Variants in DCAF12 observed in about 807,000 individuals in gnomAD.
The protein encoded by DCAF12 is DDB1 and CUL4 associated factor 12.
DCAF12 carries 28 observed loss-of-function variants against 52.8 expected under a neutral mutation model. The observed-to-expected ratio is 0.53, with a 90% CI of 0.39 to 0.73. DCAF12 has a LOEUF of 0.73. DCAF12 is among the 30% of genes least tolerant of loss of function. DCAF12 has a pLI of 0.00. For missense variants in DCAF12, 425 were observed against 552.2 expected, an observed-to-expected ratio of 0.77 and a Z score of 2.31; for synonymous variants, 196 against 215.5, an observed-to-expected ratio of 0.91 and a Z score of 0.79.
At position 34,087,597 on chromosome 9, in the gene DCAF12, G is replaced by A. The variant is rs936289248; in HGVS notation, c.*753C>T. The A allele has an allele frequency of 2.6e-5, 4 of 152,170 alleles. No homozygotes were observed. Among genetic ancestry groups the A allele is most frequent in the Non-Finnish European group, 4.4e-5 (3 of 68,042 alleles). The allele number at this position is 152,170 out of a possible 1,614,324, so 9.4% of individuals were successfully genotyped here. A position where few individuals can be genotyped will look rare whatever the true frequency, so the allele number is the denominator to read the frequency against. ...GGGAAGTGACACCAACTTCCCACAC[G>A]GGGGACACACAGGTGGGAAGACAGG... On this transcript the variant is annotated 3_prime_UTR_variant, in exon 9 of 9. Coordinates refer to ENST00000361264, the MANE Select transcript of DCAF12 (RefSeq NM_015397.4).
intron 2 of DCAF12, among the ~76,000 whole-genome samples, chr9:34,115,158 G>A (rs922970965): frequency 3.3e-5 from 5 of 151,986 alleles, no homozygotes; most frequent in African/African-American, 9.7e-5. Context: ...TGGAGAGGTT[G>A]GGAAAGGAAA....
intron 2 of DCAF12, among the ~76,000 whole-genome samples, chr9:34,124,773 C>G (rs1829221648): frequency 6.6e-6 from 1 of 152,046 alleles, no homozygotes; most frequent in African/African-American, 2.4e-5. Flanking sequence ...AACAAACAAC[C>G]CTCTAGAAGC....
chr9:34,097,641 A>G (rs73491053), intron 5 of DCAF12, among the ~76,000 whole-genome samples: 2,222 of 152,176 alleles, frequency 0.015, 49 homozygotes, highest in African/African-American at 0.05. Context: ...AGTAGGCAGT[A>G]AAGAATACTG....
rs1374076229 is a variant in DCAF12 at position 34,087,358 on chromosome 9, G to A, written c.*992C>T. The A allele has an allele frequency of 2.0e-5, 3 of 152,268 alleles. No individual in the cohort carries two copies. Among genetic ancestry groups the A allele is most frequent in the African/African-American group, 7.2e-5 (3 of 41,464 alleles). 9.4% of individuals were successfully genotyped at this position (152,268 alleles called of 1,614,324 possible). ...AATGGCAGAGAGGATTCTCCTCAAA[G>A]CCATGGGGGCTATGGATGTGAATCT... is the stretch of plus-strand genomic sequence containing the variant. On this transcript the variant is annotated 3_prime_UTR_variant, in exon 9 of 9. Coordinates refer to ENST00000361264, the MANE Select transcript of DCAF12 (RefSeq NM_015397.4).
chr9:34,112,622 G>T (rs1181281265), intron 2 of DCAF12, among the ~76,000 whole-genome samples: 3 of 149,970 alleles, frequency 2.0e-5, no homozygotes, highest in African/African-American at 7.4e-5. Context: ...ATATTGGCTG[G>T]GTGTGGTGGC....
intron 4 of DCAF12, among the ~76,000 whole-genome samples, chr9:34,106,173 G>A (rs1587736294): frequency 6.6e-6 from 1 of 152,080 alleles, no homozygotes; most frequent in East Asian, 1.9e-4. Context: ...GCTTGATGCA[G>A]CCTGGTTCTC....
chr9:34,095,851 T>C (rs939420544), intron 6 of DCAF12: 1 of 152,186 alleles, frequency 6.6e-6, no homozygotes, highest in African/African-American at 2.4e-5. Flanking sequence ...CCTTACAGCA[T>C]GCCAAGTAGT....
chr9:34,093,589 G>T, intron 6 of DCAF12, 141 bp from the exon 7 acceptor site: 2 of 838,092 alleles, frequency 2.4e-6, no homozygotes, highest in Non-Finnish European at 1.9e-6. Flanking sequence ...ATAACACTCT[G>T]TTCCACCCCT....
intron 5 of DCAF12, among the ~76,000 whole-genome samples, chr9:34,097,256 CTTTTTT>C (rs999860045): frequency 3.2e-5 from 3 of 94,854 alleles, no homozygotes; most frequent in Non-Finnish European, 6.3e-5. Flanking sequence ...TCTGACACTG[CTTTTTT>C]TTTTTTTTTT....
intron 4 of DCAF12, among the ~76,000 whole-genome samples, chr9:34,101,488 G>A (rs1286572601): frequency 6.6e-6 from 1 of 151,888 alleles, no homozygotes; most frequent in Non-Finnish European, 1.5e-5. Context: ...TGCTTACTGG[G>A]TTCAAGTGAT....
rs1051544325 is a variant in DCAF12 at position 34,125,555 on chromosome 9, T to C, written c.79-278A>G. The C allele has an allele frequency of 5.5e-6, 3 of 546,884 alleles. No individual in the cohort carries two copies. In the African/African-American group the frequency reaches 5.7e-5, roughly 10 times the overall value. The allele number at this position is 546,884 out of a possible 1,614,324, so 33.9% of individuals were successfully genotyped here. On this transcript the variant is annotated intron_variant, in intron 1 of 8. Transcript: ENST00000361264. ...AACAGACTAAAAGGTTTACTAGACA[T>C]TTTAGGAGTGAAAGATTGAAGGAAA...
intron 1 of DCAF12, 55 bp from the exon 2 acceptor site, chr9:34,125,332 C>T: frequency 6.3e-7 from 1 of 1,585,388 alleles, no homozygotes; most frequent in Non-Finnish European, 8.6e-7. Context: ...CAGAACAGAT[C>T]CTACTGTATT....
chr9:34,091,460 G>A (rs1787167358), intron 7 of DCAF12, among the ~76,000 whole-genome samples: 1 of 151,592 alleles, frequency 6.6e-6, no homozygotes, highest in Non-Finnish European at 1.5e-5. Context: ...AACATGATGA[G>A]AACCTGTCTC....
chr9:34,123,643 ATTAC>A (rs1266913010), intron 2 of DCAF12, among the ~76,000 whole-genome samples: 1 of 152,198 alleles, frequency 6.6e-6, no homozygotes, highest in Non-Finnish European at 1.5e-5. Context: ...AGGTTAAATT[ATTAC>A]TTATTATGCT....
At position 34,091,364 on chromosome 9, in the gene DCAF12, T is replaced by C. The variant is rs1422173059; in HGVS notation, c.1025-1774A>G. Reference sequence around the variant, plus strand: ...ACAAAAAAGAAATAGCTGGGCACAGTGGCTCACGGCTGTAATCCCTGTAAT... The same window carrying C: ...ACAAAAAAGAAATAGCTGGGCACAGCGGCTCACGGCTGTAATCCCTGTAAT... On this transcript the variant is annotated intron_variant, in intron 7 of 8. Transcript: ENST00000361264. Among the ~76,000 whole-genome samples the C allele has an allele frequency of 2.0e-5, 3 of 151,852 alleles. No individual in the cohort carries two copies. The East Asian group carries it at 5.8e-4, about 29-fold the overall frequency.
intron 2 of DCAF12, among the ~76,000 whole-genome samples, chr9:34,124,510 G>C (rs2131445302): frequency 6.6e-6 from 1 of 152,234 alleles, no homozygotes; most frequent in African/African-American, 2.4e-5. Flanking sequence ...TATACTACCA[G>C]ACACACATTC....
chr9:34,119,578 C>T (rs749248664), intron 2 of DCAF12, among the ~76,000 whole-genome samples: 1 of 152,110 alleles, frequency 6.6e-6, no homozygotes, highest in Non-Finnish European at 1.5e-5. Context: ...GATTAAGTAG[C>T]TTCCAATTAT....
intron 2 of DCAF12, among the ~76,000 whole-genome samples, chr9:34,108,047 A>T (rs1331286508): frequency 6.6e-6 from 1 of 152,232 alleles, no homozygotes; most frequent in African/African-American, 2.4e-5. Context: ...ACGACAAGGA[A>T]GAATTATTAG....
Position 34,126,368 on chromosome 9 carries a change from C to A in DCAF12, c.64G>T (p.Ala22Ser). ...APASPGAGSD[A>S]QGPQFGWDHS... ...TCAACCCTCACCTGCGGGCCCTGAG[C>A]GTCGCTCCCAGCTCCCGGCGAGGCG... Residue 22 changes from alanine to serine, a missense_variant, in exon 1 of 9, where the codon GCT becomes TCT. Coordinates refer to ENST00000361264, the MANE Select transcript of DCAF12 (RefSeq NM_015397.4). The A allele has an allele frequency of 6.2e-7, 1 of 1,612,438 alleles. No individual in the cohort carries two copies. Among genetic ancestry groups the A allele is most frequent in the Non-Finnish European group, 8.5e-7 (1 of 1,179,792 alleles).
Sources: gnomAD v4.1 joint callset for allele counts (sites outside exome capture counted in the v4.1 genomes callset) on GRCh38, gnomAD v4.1.1 for gene constraint, MANE v1.5 for transcripts, NCBI Gene and HGNC (gene_info 2026-07-23, HGNC 2026-07-21) for gene names.